The following VPS13B variants were observed in gnomAD, a reference collection of about 807,000 sequenced individuals.
VPS13B encodes intermembrane lipid transfer protein VPS13B.
VPS13B carries 285 observed loss-of-function variants against 426.4 expected under a neutral mutation model. The ratio of observed to expected loss-of-function variants is 0.67; its 90% CI spans 0.61 to 0.74. The LOEUF (loss-of-function observed/expected upper bound fraction) is 0.74. Ranked by LOEUF, VPS13B falls within the 30% of genes least tolerant of loss-of-function variation. VPS13B has a pLI of 0.00. For missense variants in VPS13B, 4,537 were observed against 4,782.6 expected (o/e 0.95, Z 1.51); for synonymous variants, 1,676 against 1,676.4 (o/e 1.00, Z 0.01).
At chr8:99,700,250 A>G (rs1832210201) in intron 36 of VPS13B, among the ~76,000 whole-genome samples, 1 of 152,232 alleles carries the variant, frequency 6.6e-6, no homozygotes, top group Non-Finnish European at 1.5e-5. Context: ...TATGAACCAT[A>G]AGAAGAGTGT....
At chr8:99,349,328 G>A (rs1239122104) in intron 19 of VPS13B, among the ~76,000 whole-genome samples, 1 of 25,672 alleles carries the variant, frequency 3.9e-5, no homozygotes, top group African/African-American at 2.4e-4. Flanking sequence ...GCGAGACTCC[G>A]TCTCAAAAAA....
intron 17 of VPS13B, among the ~76,000 whole-genome samples, chr8:99,198,135 C>T (rs926743966): frequency 1.2e-4 from 18 of 151,946 alleles, no homozygotes; most frequent in Admixed American, 7.2e-4. Context: ...ATCTTGTGGC[C>T]GTTATTTTAT....
chr8:99,167,370 TTA>T (rs1415616262), intron 15 of VPS13B, among the ~76,000 whole-genome samples: 1 of 152,102 alleles, frequency 6.6e-6, no homozygotes, highest in African/African-American at 2.4e-5. Context: ...GGACAAATCT[TTA>T]TGATGCTGAT....
chr8:99,384,213 G>GTAC lies in VPS13B; in HGVS notation c.2832_2834dup (p.Leu946dup). ...TTAAAAATCTTGTCTTTTAGGTGCT[G>GTAC]TACTTCTTTGCAGTATACAAGGACT... On this transcript the variant is annotated inframe_insertion, in exon 20 of 62. Transcript: ENST00000357162. 6.2e-7 allele frequency: 1 copy of GTAC among 1,613,540 alleles called. No individual in the cohort carries two copies. The highest frequency in any genetic ancestry group is 8.5e-7 in the Non-Finnish European group (1 of 1,179,642).
At chr8:99,726,560 G>C (rs550456735) in intron 39 of VPS13B, among the ~76,000 whole-genome samples, 26 of 152,212 alleles carry the variant, frequency 1.7e-4, no homozygotes, top group African/African-American at 6.0e-4. Flanking sequence ...ATGGTTCTTG[G>C]CCATTGTCAC....
intron 8 of VPS13B, among the ~76,000 whole-genome samples, chr8:99,129,338 G>T (rs1033502463): frequency 1.5e-4 from 22 of 151,578 alleles, no homozygotes; most frequent in African/African-American, 5.1e-4. Flanking sequence ...TATGTTGTCA[G>T]TTTTTTTAAT....
intron 57 of VPS13B, among the ~76,000 whole-genome samples, chr8:99,860,007 G>A (rs963598318): frequency 6.6e-6 from 1 of 152,152 alleles, no homozygotes; most frequent in Non-Finnish European, 1.5e-5. Context: ...AGTGCTTCCC[G>A]CAAGGACAGT....
intron 38 of VPS13B, 78 bp downstream of exon 38, chr8:99,720,630 A>G: frequency 1.4e-6 from 2 of 1,471,272 alleles, no homozygotes; most frequent in East Asian, 4.7e-5. Context: ...CTAAATAAAA[A>G]CAATCAAGAT....
chr8:99,568,276 CTATTAT>C (rs745860921), intron 31 of VPS13B, among the ~76,000 whole-genome samples: 8 of 117,012 alleles, frequency 6.8e-5, no homozygotes, highest in African/African-American at 1.1e-4. Flanking sequence ...ATACCGATAA[CTATTAT>C]TATTATTATT....
In VPS13B at chr8:99,424,860, G is replaced by A. The variant is rs552619313; in HGVS notation, c.3083-6677G>A. 1.1e-3 allele frequency among the ~76,000 whole-genome samples: 164 copies of A among 151,962 alleles called. 1 individual carries two copies. The highest frequency in any genetic ancestry group is 3.8e-3 in the African/African-American group (156 of 41,488). On this transcript the variant is annotated intron_variant, in intron 21 of 61. Coordinates refer to ENST00000357162, the MANE Select transcript of VPS13B (RefSeq NM_152564.5). ...GAAAAGAGAGAAGAATCAAATAGAC[G>A]CAATAAAAAATGACAAAGGGGTATC...
chr8:99,753,549 G>T (rs1810499273), intron 39 of VPS13B, among the ~76,000 whole-genome samples: 1 of 152,096 alleles, frequency 6.6e-6, no homozygotes, highest in Non-Finnish European at 1.5e-5. Flanking sequence ...CAGAAGTTCT[G>T]AGTATATTTT....
rs568417378 is a variant in VPS13B at position 99,055,776 on chromosome 8, C to CTGCAG, written c.291+17218_291+17222dup. Among the ~76,000 whole-genome samples, 1,200 of 152,202 alleles carry CTGCAG rather than the reference C, an allele frequency of 7.9e-3. 8 individuals carry two copies. Among genetic ancestry groups the CTGCAG allele is most frequent in the Non-Finnish European group, 0.013 (880 of 68,018 alleles). ...ATGAGGTCTTACTTTGTCACCCAAG[C>CTGCAG]TGCAGTGCAGTGATGTGATCATGGC... On this transcript the variant is annotated intron_variant, in intron 3 of 61. Coordinates refer to ENST00000357162, the MANE Select transcript of VPS13B (RefSeq NM_152564.5).
At chr8:99,341,034 TC>T (rs1257302502) in intron 19 of VPS13B, 5 of 270,188 alleles carry the variant, frequency 1.9e-5, no homozygotes, top group Non-Finnish European at 7.6e-6. Context: ...CTGAGCTTAT[TC>T]CCATGGATAG....
At chr8:99,064,983 C>T (rs1409886688) in intron 3 of VPS13B, among the ~76,000 whole-genome samples, 1 of 152,092 alleles carries the variant, frequency 6.6e-6, no homozygotes, top group East Asian at 1.9e-4. Flanking sequence ...AATTTTCAAC[C>T]CAGAATTTCA....
Position 99,384,226 on chromosome 8 carries a change from G to C in VPS13B, c.2843G>C (p.Ser948Thr), listed in dbSNP as rs749988222. ...CHNSGAVLLC[S>T]IQGLAVNIDP... The stretch of plus-strand genomic sequence containing the variant: ...CTTTTAGGTGCTGTACTTCTTTGCA[G>C]TATACAAGGACTAGCAGTTAATATT... The change falls in exon 20 of 62, where the codon AGT becomes ACT. Residue 948 changes from serine (S) to threonine (T), a missense_variant. Ser to Thr is a moderately conservative substitution (Grantham distance 58). Transcript: ENST00000357162. The C allele has an allele frequency of 1.2e-6, 2 of 1,613,924 alleles. No individual in the cohort carries two copies. Among genetic ancestry groups the C allele is most frequent in the Non-Finnish European group, 1.7e-6 (2 of 1,179,902 alleles).
chr8:99,614,163 C>T (rs1827964584), intron 33 of VPS13B: 1 of 152,114 alleles, frequency 6.6e-6, no homozygotes, highest in African/African-American at 2.4e-5. Flanking sequence ...CACAGATTTA[C>T]ATTCAGAGAT....
chr8:99,612,741 ACT>A (rs1308002677), intron 33 of VPS13B, among the ~76,000 whole-genome samples: 1 of 152,158 alleles, frequency 6.6e-6, no homozygotes, highest in Non-Finnish European at 1.5e-5. Flanking sequence ...AAAGGTCTAC[ACT>A]CAGCATTTAG....
At chr8:99,684,847 A>G (rs980099453) in intron 35 of VPS13B, among the ~76,000 whole-genome samples, 3 of 152,204 alleles carry the variant, frequency 2.0e-5, no homozygotes, top group African/African-American at 7.2e-5. Context: ...TCTGTCGCCC[A>G]GGCTGGAGTG....
At chr8:99,028,137 C>A (rs1428252525) in intron 2 of VPS13B, among the ~76,000 whole-genome samples, 1 of 152,182 alleles carries the variant, frequency 6.6e-6, no homozygotes, top group Non-Finnish European at 1.5e-5. Context: ...CGGCAACCAT[C>A]CGATTTCTCA....
Sources: allele counts gnomAD v4.1 joint callset (sites outside exome capture counted in the v4.1 genomes callset), GRCh38; gene constraint gnomAD v4.1.1; transcripts MANE v1.5; gene names NCBI Gene and HGNC (gene_info 2026-07-23, HGNC 2026-07-21).